PHIP: variants seen among roughly 807,000 people sequenced by gnomAD.
The protein encoded by PHIP is PHIP subunit of CUL4-Ring ligase complex, also known as PH-interacting protein.
A neutral mutation model predicts 236.8 loss-of-function variants in PHIP; 54 were observed. The ratio of observed to expected loss-of-function variants is 0.23; its 90% confidence interval spans 0.18 to 0.29. The LOEUF is 0.29. Among genes scored for constraint, PHIP ranks in the 10% least tolerant of loss-of-function variants. The pLI, the probability that PHIP is intolerant of heterozygous loss-of-function variation, is 1.00. For synonymous variants in PHIP, 756 were observed against 718.9 expected (o/e 1.05, Z -0.83); for missense variants, 1,370 against 2,190.8 (o/e 0.63, Z 7.48).
chr6:78,949,789 A>T (rs1257304061), intron 35 of PHIP, among the ~76,000 whole-genome samples: 1 of 152,048 alleles, frequency 6.6e-6, no homozygotes, highest in Non-Finnish European at 1.5e-5. Context: ...CCCAGGCTCA[A>T]GCAATCCTCC....
At chr6:78,979,952 C>T (rs546350978) in intron 23 of PHIP, among the ~76,000 whole-genome samples, 1 of 152,126 alleles carries the variant, frequency 6.6e-6, no homozygotes, top group South Asian at 2.1e-4. Context: ...CACAGCCACA[C>T]TGAGTGTTTC....
rs922861874 is a variant in PHIP, at chr6:78,978,215, A to G, written c.2889+377T>C. On this transcript the variant is annotated intron_variant, in intron 24 of 39. Transcript: ENST00000275034. ...AAACAAAACACTAACACTTTTTGAA[A>G]TAAAATTAAATGAAAACAAATTGCT... 5.9e-5 allele frequency among the ~76,000 whole-genome samples: 9 copies of G among 152,140 alleles called. No individual in the cohort carries two copies. The East Asian group carries it at 1.3e-3, about 23-fold the overall frequency.
chr6:79,035,507 A>G (rs1399460500), intron 7 of PHIP, among the ~76,000 whole-genome samples: 1 of 152,226 alleles, frequency 6.6e-6, no homozygotes, highest in African/African-American at 2.4e-5. Flanking sequence ...CTTTGACATG[A>G]AAATAAAAGA....
chr6:78,964,489 G>A (rs912014895), intron 29 of PHIP, among the ~76,000 whole-genome samples: 2 of 152,004 alleles, frequency 1.3e-5, no homozygotes, highest in Non-Finnish European at 2.9e-5. Context: ...GCTAAGAGAT[G>A]TAATATATTA....
chr6:78,947,579 T>C (rs771538056), intron 36 of PHIP, 44 bp downstream of exon 36: 9 of 972,610 alleles, frequency 9.3e-6, no homozygotes, highest in Non-Finnish European at 1.4e-5. Context: ...AACACACTCC[T>C]CTAACTTAAT....
rs115035824 is a variant in PHIP at position 78,949,693 on chromosome 6, T to G, written c.4054-1918A>C. 2.4e-4 allele frequency among the ~76,000 whole-genome samples: 37 copies of G among 152,078 alleles called. 1 individual carries two copies. The highest frequency in any genetic ancestry group is 4.0e-4 in the Non-Finnish European group (27 of 67,990). Reference sequence around the variant, plus strand: ...TTCTGGGACTCTTTTTTACTTTTTTTTTTTTGTTGTTAATGAGATAGGGTC... The same window carrying G: ...TTCTGGGACTCTTTTTTACTTTTTTGTTTTTGTTGTTAATGAGATAGGGTC... On this transcript the variant is annotated intron_variant, in intron 35 of 39. Coordinates refer to ENST00000275034, the MANE Select transcript of PHIP (RefSeq NM_017934.7).
intron 24 of PHIP, among the ~76,000 whole-genome samples, chr6:78,971,677 T>A (rs1003968219): frequency 1.3e-5 from 2 of 152,052 alleles, no homozygotes; most frequent in Non-Finnish European, 2.9e-5. Context: ...GCGCGCACCG[T>A]GTGCGAGCCG....
At chr6:79,059,591 T>TTATATATATATATATATATATATATATA (rs72226338) in intron 6 of PHIP, among the ~76,000 whole-genome samples, 3 of 84,754 alleles carry the variant, frequency 3.5e-5, no homozygotes, top group African/African-American at 4.7e-5. Flanking sequence ...GAAAGCAAAA[T>TTATATATATATATATATATATATATATA]TATATATATA....
In PHIP at chr6:79,056,260, G is replaced by A. The variant is rs992684807; in HGVS notation, c.439+4218C>T. 3.9e-5 allele frequency among the ~76,000 whole-genome samples: 6 copies of A among 152,250 alleles called. No homozygotes were observed. The East Asian group carries it at 7.7e-4, about 20-fold the overall frequency. On this transcript the variant is annotated intron_variant, in intron 6 of 39. Transcript: ENST00000275034. Reference sequence around the variant, plus strand: ...AAGGATAAACAGATATTTGTACAACGTACAGAAAACAGAGGGGCATTCCAG... The same window carrying A: ...AAGGATAAACAGATATTTGTACAACATACAGAAAACAGAGGGGCATTCCAG...
chr6:78,995,680 GTC>G (rs1399606623), intron 19 of PHIP, among the ~76,000 whole-genome samples: 1 of 152,158 alleles, frequency 6.6e-6, no homozygotes, highest in Non-Finnish European at 1.5e-5. Flanking sequence ...TTTGGTAAAT[GTC>G]TGTTCATGTC....
At chr6:78,971,256 A>G (rs1027675226) in intron 24 of PHIP, among the ~76,000 whole-genome samples, 1 of 152,262 alleles carries the variant, frequency 6.6e-6, no homozygotes, top group East Asian at 1.9e-4. Flanking sequence ...TGCAGAAAAC[A>G]TTGAAATGAA....
chr6:78,996,382 A>C (rs1178014268), intron 19 of PHIP, among the ~76,000 whole-genome samples: 1 of 152,200 alleles, frequency 6.6e-6, no homozygotes, highest in Non-Finnish European at 1.5e-5. Flanking sequence ...TATTTCACGA[A>C]ATAAAAAGTG....
intron 3 of PHIP, 26 bp downstream of exon 3, chr6:79,077,674 A>T: frequency 1.9e-5 from 13 of 702,240 alleles, no homozygotes; most frequent in South Asian, 6.5e-5. Flanking sequence ...CGGCGGCGGG[A>T]CGCGCCGGGC....
chr6:79,066,395 T>C (rs1773622187), intron 4 of PHIP, among the ~76,000 whole-genome samples: 1 of 152,200 alleles, frequency 6.6e-6, no homozygotes, highest in Admixed American at 6.5e-5. Flanking sequence ...TTATAGAATT[T>C]ATTTAAAAAG....
intron 35 of PHIP, 55 bp from the exon 36 acceptor site, chr6:78,947,830 C>T: frequency 1.6e-6 from 2 of 1,271,812 alleles, no homozygotes; most frequent in Non-Finnish European, 2.3e-6. Flanking sequence ...AGCATCACTT[C>T]TCAGTGCAGG....
At chr6:79,027,374 T>C (rs1404423868) in intron 7 of PHIP, among the ~76,000 whole-genome samples, 1 of 152,296 alleles carries the variant, frequency 6.6e-6, no homozygotes, top group Non-Finnish European at 1.5e-5. Context: ...AACTTAACTT[T>C]GGTCAACTAT....
intron 24 of PHIP, among the ~76,000 whole-genome samples, chr6:78,971,910 C>T (rs906453819): frequency 2.0e-5 from 3 of 152,184 alleles, no homozygotes; most frequent in Admixed American, 6.5e-5. Flanking sequence ...GCTAGCACAG[C>T]AGTCTGAGGT....
At chr6:79,075,348 A>C (rs1039340666) in intron 4 of PHIP, among the ~76,000 whole-genome samples, 7 of 152,184 alleles carry the variant, frequency 4.6e-5, no homozygotes, top group Admixed American at 3.3e-4. Flanking sequence ...GAATGAAAAG[A>C]GAAAACGAGT....
At chr6:79,024,767 T>C (rs1235460917) in intron 9 of PHIP, among the ~76,000 whole-genome samples, 2 of 152,094 alleles carry the variant, frequency 1.3e-5, no homozygotes, top group Non-Finnish European at 2.9e-5. Context: ...ATCGCGACAC[T>C]GCAATCCAGC....
Sources: gnomAD v4.1 joint callset for allele counts (sites outside exome capture counted in the v4.1 genomes callset) on GRCh38, gnomAD v4.1.1 for gene constraint, MANE v1.5 for transcripts, NCBI Gene and HGNC (gene_info 2026-07-23, HGNC 2026-07-21) for gene names.